TMPRSS15: variants seen among roughly 807,000 people sequenced by gnomAD.
TMPRSS15 encodes the protein enteropeptidase.
Under a neutral mutation model 125.3 loss-of-function variants are expected in TMPRSS15, and 128 were observed. That is an observed-to-expected ratio of 1.02 (90% CI 0.89 to 1.18). The LOEUF is 1.18. Ranked by LOEUF, TMPRSS15 falls within the 50% of genes most tolerant of loss-of-function variation. TMPRSS15 has a pLI of 0.00. For missense variants in TMPRSS15, 1,283 were observed against 1,212.7 expected (o/e 1.06, Z -0.86); for synonymous variants, 446 against 423.2 (o/e 1.05, Z -0.66).
At chr21:18,424,132 A>AT (rs1300345191) in intron 1 of TMPRSS15, among the ~76,000 whole-genome samples, 4 of 152,228 alleles carry the variant, frequency 2.6e-5, no homozygotes, top group South Asian at 2.1e-4. Flanking sequence ...AGTGTTTTAA[A>AT]TTTTTTTTAT....
intron 21 of TMPRSS15, among the ~76,000 whole-genome samples, chr21:18,291,377 C>A (rs1203617716): frequency 6.6e-6 from 1 of 152,190 alleles, no homozygotes; most frequent in Non-Finnish European, 1.5e-5. Flanking sequence ...AGAAACCGAA[C>A]AGGCACAGGG....
intron 16 of TMPRSS15, among the ~76,000 whole-genome samples, chr21:18,325,551 A>C (rs2075279929): frequency 1.3e-5 from 2 of 152,104 alleles, no homozygotes; most frequent in South Asian, 4.1e-4. Context: ...TGAACTATCC[A>C]ACCCTACCTC....
intron 10 of TMPRSS15, among the ~76,000 whole-genome samples, chr21:18,347,087 C>A (rs2146996290): frequency 6.6e-6 from 1 of 152,066 alleles, no homozygotes; most frequent in Non-Finnish European, 1.5e-5. Flanking sequence ...TCCAATTGTA[C>A]CTTGTTAAAA....
chr21:18,391,288 G>A (rs2075987982), intron 3 of TMPRSS15, among the ~76,000 whole-genome samples: 1 of 152,184 alleles, frequency 6.6e-6, no homozygotes, highest in Non-Finnish European at 1.5e-5. Context: ...GACTAGACAA[G>A]GCTCTTCTGC....
intron 1 of TMPRSS15, among the ~76,000 whole-genome samples, chr21:18,435,224 T>A (rs2123219536): frequency 6.6e-6 from 1 of 152,308 alleles, no homozygotes; most frequent in African/African-American, 2.4e-5. Context: ...TCAAAGGGAA[T>A]GCTTCCAGTT....
intron 1 of TMPRSS15, among the ~76,000 whole-genome samples, chr21:18,463,487 C>T (rs1301497358): frequency 6.6e-6 from 1 of 151,824 alleles, no homozygotes; most frequent in African/African-American, 2.4e-5. Flanking sequence ...ACCTAGACTC[C>T]CACACAATAA....
intron 13 of TMPRSS15, among the ~76,000 whole-genome samples, chr21:18,338,713 A>G (rs2075417856): frequency 7.7e-6 from 1 of 130,446 alleles, no homozygotes; most frequent in Non-Finnish European, 1.6e-5. Context: ...AGACAGAGAC[A>G]GACAGAGAGA....
At chr21:18,326,950 A>G (rs979560354) in intron 15 of TMPRSS15, among the ~76,000 whole-genome samples, 6 of 152,174 alleles carry the variant, frequency 3.9e-5, no homozygotes, top group African/African-American at 1.4e-4. Flanking sequence ...TTTTGACCAA[A>G]CATATTCAGT....
chr21:18,372,635 T>C (rs2147047715), intron 5 of TMPRSS15, among the ~76,000 whole-genome samples: 1 of 152,330 alleles, frequency 6.6e-6, no homozygotes, highest in South Asian at 2.1e-4. Flanking sequence ...TAGAGTACAT[T>C]TACCAACCAA....
At chr21:18,399,820 C>T (rs924556848) in intron 1 of TMPRSS15, among the ~76,000 whole-genome samples, 8 of 151,968 alleles carry the variant, frequency 5.3e-5, no homozygotes, top group African/African-American at 1.9e-4. Context: ...GTAGTATGTG[C>T]TTTGAAAGCC....
chr21:18,303,096 A>AATTACATG (rs1202638687), intron 18 of TMPRSS15, among the ~76,000 whole-genome samples: 1 of 152,132 alleles, frequency 6.6e-6, no homozygotes, highest in Non-Finnish European at 1.5e-5. Context: ...TCGTCAGGAA[A>AATTACATG]ATTACATGGT....
chr21:18,426,441 T>C (rs1347891496), intron 1 of TMPRSS15, among the ~76,000 whole-genome samples: 1 of 152,192 alleles, frequency 6.6e-6, no homozygotes, highest in Non-Finnish European at 1.5e-5. Context: ...TACCTCCACT[T>C]TCTGACTTGA....
intron 24 of TMPRSS15, among the ~76,000 whole-genome samples, chr21:18,273,443 T>C (rs1434807265): frequency 6.6e-6 from 1 of 152,222 alleles, no homozygotes; most frequent in Non-Finnish European, 1.5e-5. Flanking sequence ...AATTACTCAA[T>C]TATGATAACA....
At chr21:18,349,370 C>T (rs905868406) in intron 10 of TMPRSS15, among the ~76,000 whole-genome samples, 1 of 152,146 alleles carries the variant, frequency 6.6e-6, no homozygotes, top group Non-Finnish European at 1.5e-5. Context: ...GAAGCCATTG[C>T]TTCACCAGAA....
intron 3 of TMPRSS15, among the ~76,000 whole-genome samples, chr21:18,384,047 C>T (rs2075919396): frequency 1.3e-5 from 2 of 152,148 alleles, no homozygotes; most frequent in Non-Finnish European, 2.9e-5. Context: ...CGTTCAAGTA[C>T]TCATCCCCAG....
At chr21:18,315,452 T>C (rs1016791038) in intron 16 of TMPRSS15, among the ~76,000 whole-genome samples, 196 bp from the exon 17 acceptor site, 1 of 125,476 alleles carries the variant, frequency 8.0e-6, no homozygotes, top group Non-Finnish European at 1.7e-5. Context: ...ATAACAAACC[T>C]GCACGTTGTG....
chr21:18,290,727 T>A (rs2074823360), intron 21 of TMPRSS15, among the ~76,000 whole-genome samples: 1 of 152,176 alleles, frequency 6.6e-6, no homozygotes, highest in Non-Finnish European at 1.5e-5. Context: ...TCATTAATGT[T>A]AAATTTCCAT....
intron 1 of TMPRSS15, among the ~76,000 whole-genome samples, chr21:18,452,686 C>T (rs139611655): frequency 2.0e-5 from 3 of 152,168 alleles, no homozygotes; most frequent in African/African-American, 7.2e-5. Context: ...ATATTTTGAA[C>T]TGGAATGTTA....
chr21:18,480,842 CTTG>C lies in TMPRSS15; in HGVS notation c.10+4954_10+4956del, dbSNP rs539189100. Among the ~76,000 whole-genome samples the C allele has an allele frequency of 3.5e-3, 529 of 151,952 alleles. 2 individuals are homozygous for C. The highest frequency in any genetic ancestry group is 0.012 in the African/African-American group (504 of 41,514). ...ACTCTTGTCCCATCTTCATGTGGCT[CTTG>C]TTGTATTACTAAGGGTCATTGGAGG... On this transcript the variant is annotated intron_variant, in intron 1 of 7. Transcript: ENST00000422787.
Sources: allele counts gnomAD v4.1 joint callset (sites outside exome capture counted in the v4.1 genomes callset), GRCh38; gene constraint gnomAD v4.1.1; transcripts MANE v1.5; gene names NCBI Gene and HGNC (gene_info 2026-07-23, HGNC 2026-07-21).